Variants in EDEM3 observed in about 807,000 individuals in gnomAD.
EDEM3 encodes ER degradation enhancing alpha-mannosidase like protein 3, also known as ER degradation-enhancing alpha-mannosidase-like protein 3.
A neutral mutation model predicts 110.2 loss-of-function variants in EDEM3; 60 were observed. The observed-to-expected ratio is 0.54, with a 90% CI of 0.44 to 0.67. The LOEUF is 0.67. EDEM3 is among the 30% of genes least tolerant of loss of function. The probability of loss-of-function intolerance (pLI) is 0.00; values close to 1 mark genes in which losing one functional copy is unlikely to be tolerated. For missense variants in EDEM3, 996 were observed against 1,121.0 expected (o/e 0.89, Z 1.59); for synonymous variants, 352 against 382.9 (o/e 0.92, Z 0.94).
At position 184,728,957 on chromosome 1, in the gene EDEM3, A is replaced by G. The variant is rs74987708; in HGVS notation, c.613-2568T>C. Among the ~76,000 whole-genome samples the G allele has an allele frequency of 3.0e-4, 46 of 152,290 alleles. 1 individual carries two copies. In the East Asian group the frequency reaches 7.7e-3, roughly 26 times the overall value. On this transcript the variant is annotated intron_variant, in intron 6 of 19. Transcript: ENST00000318130. ...GAACCAAGATGCATTTCAGCATCCA[A>G]GAGGCACTACCATTTCCACAAATCA...
chr1:184,745,296 T>G (rs558422004), intron 2 of EDEM3, among the ~76,000 whole-genome samples: 6 of 152,086 alleles, frequency 3.9e-5, no homozygotes, highest in East Asian at 1.9e-4. Flanking sequence ...CAATGACTCA[T>G]AGATGATAGT....
chr1:184,711,677 T>C, intron 15 of EDEM3, 46 bp downstream of exon 15: 2 of 1,508,708 alleles, frequency 1.3e-6, no homozygotes, highest in East Asian at 4.7e-5. Context: ...TGTCATTTAC[T>C]AAGAAACAAC....
At chr1:184,698,724 C>T (rs570999712) in intron 19 of EDEM3, among the ~76,000 whole-genome samples, 2 of 151,686 alleles carry the variant, frequency 1.3e-5, no homozygotes, top group African/African-American at 4.8e-5. Flanking sequence ...TTCTATGCAG[C>T]ACTATAGGAA....
At chr1:184,722,130 T>C (rs778088127) in intron 8 of EDEM3, among the ~76,000 whole-genome samples, 3 of 152,074 alleles carry the variant, frequency 2.0e-5, no homozygotes, top group African/African-American at 4.8e-5. Flanking sequence ...TACAAGCACA[T>C]ACATGCTGGT....
rs1285875027 is a variant in EDEM3, at chr1:184,692,412, T to C, written c.*1651A>G. 1 of 152,126 alleles carries C rather than the reference T, an allele frequency of 6.6e-6. No homozygotes were observed. Among genetic ancestry groups the C allele is most frequent in the Non-Finnish European group, 1.5e-5 (1 of 67,994 alleles). 9.4% of individuals were successfully genotyped at this position (152,126 alleles called of 1,614,324 possible). On this transcript the variant is annotated 3_prime_UTR_variant, in exon 20 of 20. Transcript: ENST00000318130. Reference sequence around the variant, plus strand: ...GATTTACTACTCCCTGACTCAATTATATTTACCTGGAATATCTGAATGCAG... The same window carrying C: ...GATTTACTACTCCCTGACTCAATTACATTTACCTGGAATATCTGAATGCAG...
At chr1:184,740,779 G>A (rs1652093020) in intron 2 of EDEM3, among the ~76,000 whole-genome samples, 1 of 152,162 alleles carries the variant, frequency 6.6e-6, no homozygotes, top group Non-Finnish European at 1.5e-5. Context: ...CTCCATTCAA[G>A]AGACTACAGA....
Position 184,694,148 on chromosome 1 carries a change from T to G in EDEM3, c.2714A>C (p.Lys905Thr), listed in dbSNP as rs774763271. 1 of 1,613,458 alleles carries G rather than the reference T, an allele frequency of 6.2e-7. No individual in the cohort carries two copies. Among genetic ancestry groups the G allele is most frequent in the Non-Finnish European group, 8.5e-7 (1 of 1,179,638 alleles). The change falls in exon 20 of 20, where the codon AAA becomes ACA. Residue 905 changes from lysine (K) to threonine (T), a missense_variant. Lys to Thr is a moderately conservative substitution (Grantham distance 78). Transcript: ENST00000318130. ...EDSNPNVSWG[K>T]KVQPIDSILA... is the part of the protein sequence containing the mutation. ...TATGGAGTCTATAGGCTGGACCTTTTTACCCCAGCTAACATTAGGATTGGA... is the reference window on the plus strand; with the variant it reads ...TATGGAGTCTATAGGCTGGACCTTTGTACCCCAGCTAACATTAGGATTGGA...
intron 2 of EDEM3, among the ~76,000 whole-genome samples, chr1:184,739,462 G>T (rs1357167692): frequency 1.3e-5 from 2 of 151,376 alleles, no homozygotes; most frequent in African/African-American, 4.8e-5. Flanking sequence ...GGAGAACTTT[G>T]ATATTTCCTT....
chr1:184,744,878 A>G (rs1652343039), intron 2 of EDEM3, among the ~76,000 whole-genome samples: 1 of 152,134 alleles, frequency 6.6e-6, no homozygotes, highest in Admixed American at 6.5e-5. Flanking sequence ...AAATCAAAAG[A>G]CTATGTACTG....
At chr1:184,728,681 C>T (rs1034675715) in intron 6 of EDEM3, among the ~76,000 whole-genome samples, 3 of 151,718 alleles carry the variant, frequency 2.0e-5, no homozygotes, top group African/African-American at 7.3e-5. Context: ...ACGATCTTGG[C>T]TCACCGCAAC....
chr1:184,734,503 T>G (rs1434633638), intron 5 of EDEM3, 28 bp downstream of exon 5: 1 of 914,928 alleles, frequency 1.1e-6, no homozygotes, highest in Non-Finnish European at 1.5e-6. Flanking sequence ...TAAAATAAAA[T>G]TATAGCTTTA....
chr1:184,709,056 G>A (rs1185669709), intron 16 of EDEM3, among the ~76,000 whole-genome samples: 1 of 152,090 alleles, frequency 6.6e-6, no homozygotes, highest in Non-Finnish European at 1.5e-5. Flanking sequence ...GTTAGAGGAT[G>A]GAAAAGGATA....
chr1:184,754,764 C>T lies in EDEM3; in HGVS notation c.-118G>A. ...AGACGGGGCGGGATGCGGAGTAACA[C>T]GGACGGCCGCCGGCGCCAAACTGTT... On this transcript the variant is annotated 5_prime_UTR_variant, in exon 1 of 20. In the 5' UTR this introduces an upstream ATG that the reference lacks. Coordinates refer to ENST00000318130, the MANE Select transcript of EDEM3 (RefSeq NM_025191.4). 1 of 1,378,760 alleles carries T rather than the reference C, an allele frequency of 7.3e-7. No individual in the cohort carries two copies. The allele number at this position is 1,378,760 out of a possible 1,614,324, so 85.4% of individuals were successfully genotyped here.
intron 6 of EDEM3, among the ~76,000 whole-genome samples, chr1:184,732,264 T>C (rs1463858137): frequency 6.6e-6 from 1 of 151,144 alleles, no homozygotes; most frequent in Non-Finnish European, 1.5e-5. Context: ...TTTAAAACAA[T>C]TGATCTCATG....
intron 14 of EDEM3, 142 bp from the exon 15 acceptor site, chr1:184,712,019 T>C: frequency 1.6e-6 from 1 of 615,610 alleles, no homozygotes; most frequent in Non-Finnish European, 2.6e-6. Flanking sequence ...CTCCATCTCC[T>C]GGGTTCATGC....
rs1340866788 is a variant in EDEM3 at position 184,753,952 on chromosome 1, CCAAA to C, written c.158+533_158+536del. Reference sequence around the variant, plus strand: ...CTTGAGACTTTTGAATAATTTCCCCCCAAACATTCTATTATGAAAATACAGTGCA... The same window carrying C: ...CTTGAGACTTTTGAATAATTTCCCCCCATTCTATTATGAAAATACAGTGCA... On this transcript the variant is annotated intron_variant, in intron 1 of 19. Coordinates refer to ENST00000318130, the MANE Select transcript of EDEM3 (RefSeq NM_025191.4). 5.3e-5 allele frequency among the ~76,000 whole-genome samples: 8 copies of C among 152,266 alleles called. 1 individual carries two copies. The highest frequency in any genetic ancestry group is 2.1e-4 in the South Asian group (1 of 4,828).
intron 2 of EDEM3, among the ~76,000 whole-genome samples, chr1:184,743,601 GACT>G (rs1652260850): frequency 1.3e-5 from 2 of 152,188 alleles, no homozygotes; most frequent in South Asian, 4.1e-4. Context: ...ATCAAAAACT[GACT>G]CTTTGCTCCT....
At chr1:184,735,103 G>GCCCT in intron 4 of EDEM3, among the ~76,000 whole-genome samples, 1 of 152,264 alleles carries the variant, frequency 6.6e-6, no homozygotes, top group South Asian at 2.1e-4. Flanking sequence ...CTCCATGGAT[G>GCCCT]CCCTGTTCAC....
chr1:184,723,904 A>T, intron 7 of EDEM3, 48 bp from the exon 8 acceptor site: 2 of 1,386,098 alleles, frequency 1.4e-6, no homozygotes, highest in Non-Finnish European at 1.9e-6. Context: ...TATTTGAAGA[A>T]CTAAGTCTCT....
Sources: allele counts gnomAD v4.1 joint callset (sites outside exome capture counted in the v4.1 genomes callset), GRCh38; gene constraint gnomAD v4.1.1; transcripts MANE v1.5; gene names NCBI Gene and HGNC (gene_info 2026-07-23, HGNC 2026-07-21).